PCDHGB1: variants seen among roughly 807,000 people sequenced by gnomAD.
PCDHGB1 encodes protocadherin gamma subfamily B, 1, also known as protocadherin gamma-B1.
PCDHGB1 carries 34 observed loss-of-function variants against 56.6 expected under a neutral mutation model. The observed-to-expected ratio is 0.60, with a 90% CI of 0.46 to 0.80. PCDHGB1 has a LOEUF of 0.80. Ranked by LOEUF, PCDHGB1 falls within the 30% of genes least tolerant of loss-of-function variation. The pLI is 0.00. For missense variants in PCDHGB1, 1,278 were observed against 1,204.6 expected, an observed-to-expected ratio of 1.06 and a Z score of -0.90; for synonymous variants, 561 against 505.9, an observed-to-expected ratio of 1.11 and a Z score of -1.46.
rs1040753474 is a variant in PCDHGB1 at position 141,511,446 on chromosome 5, G to T, written c.*273G>T. 3.1e-6 allele frequency: 2 copies of T among 654,526 alleles called. No individual in the cohort carries two copies. The highest frequency in any genetic ancestry group is 3.7e-5 in the African/African-American group (2 of 54,758). 40.5% of individuals were successfully genotyped at this position (654,526 alleles called of 1,614,324 possible). A position where few individuals can be genotyped will look rare whatever the true frequency, so the allele number is the denominator to read the frequency against. ...GTAGTGGGGTTACTGTAGACACCAA[G>T]AACCATTTGCCACACCCCGTTTAGT... On this transcript the variant is annotated 3_prime_UTR_variant, in exon 4 of 4. Transcript: ENST00000523390.
chr5:141,375,834 C>G lies in PCDHGB1; in HGVS notation c.2409+23165C>G, dbSNP rs1167436208. On this transcript the variant is annotated intron_variant, in intron 1 of 3. Transcript: ENST00000523390. ...GAGCTGGCGCCCCGCTCCGCAGAGC[C>G]CGGCTACCTGGTGACCAAGGTGGTG... is the stretch of plus-strand genomic sequence containing the variant. The G allele has an allele frequency of 2.1e-5, 34 of 1,614,138 alleles. No individual in the cohort carries two copies. The highest frequency in any genetic ancestry group is 2.7e-5 in the African/African-American group (2 of 75,080).
chr5:141,427,810 G>T, intron 1 of PCDHGB1: 1 of 1,523,990 alleles, frequency 6.6e-7, no homozygotes, highest in Non-Finnish European at 9.0e-7. Flanking sequence ...AGCGCACAGA[G>T]CGGGGTGGTG....
At chr5:141,450,995 T>G (rs983544118) in intron 1 of PCDHGB1, among the ~76,000 whole-genome samples, 3 of 151,510 alleles carry the variant, frequency 2.0e-5, no homozygotes, top group Non-Finnish European at 4.4e-5. Context: ...CGGCTAATTT[T>G]TTTGTATTTT....
chr5:141,405,215 C>T, intron 1 of PCDHGB1: 1 of 1,614,078 alleles, frequency 6.2e-7, no homozygotes, highest in Non-Finnish European at 8.5e-7. Flanking sequence ...GACCTATTCT[C>T]AGGAGTTCTC....
At chr5:141,488,439 C>G (rs2099675441) in intron 1 of PCDHGB1, among the ~76,000 whole-genome samples, 1 of 152,206 alleles carries the variant, frequency 6.6e-6, no homozygotes, top group African/African-American at 2.4e-5. Context: ...TCTGACCACC[C>G]TCCTGGGTGA....
intron 1 of PCDHGB1, chr5:141,371,923 G>A: frequency 2.5e-6 from 4 of 1,613,350 alleles, no homozygotes; most frequent in African/African-American, 1.3e-5. Flanking sequence ...GTGAGCGCGC[G>A]GAGCGGGGTG....
At chr5:141,439,151 C>T (rs563575567) in intron 1 of PCDHGB1, among the ~76,000 whole-genome samples, 1 of 150,892 alleles carries the variant, frequency 6.6e-6, no homozygotes, top group Admixed American at 6.6e-5. Context: ...TGAGATCACG[C>T]CACTGCACTC....
chr5:141,351,028 C>A lies in PCDHGB1; in HGVS notation c.768C>A (p.Thr256=), dbSNP rs1280700685. The A allele has an allele frequency of 1.9e-6, 3 of 1,614,092 alleles. No homozygotes were observed. Among genetic ancestry groups the A allele is most frequent in the Non-Finnish European group, 2.5e-6 (3 of 1,179,902 alleles). The change falls in exon 1 of 4, where the codon ACC becomes ACA. Residue 256 remains threonine, a synonymous_variant. Transcript: ENST00000523390. ...TCCAAGAAAACGTACCGTGGGGAAC[C>A]TCCGTGCTGCGGGTGATGGCCACAG... The part of the protein sequence containing the change: ...VSLQENVPWG[T]SVLRVMATDQ...
At chr5:141,363,501 C>T (rs187528196) in intron 1 of PCDHGB1, among the ~76,000 whole-genome samples, 5 of 152,306 alleles carry the variant, frequency 3.3e-5, no homozygotes, top group African/African-American at 1.2e-4. Context: ...AATAAAACCC[C>T]ATCCTCCACA....
At chr5:141,410,748 C>G in intron 1 of PCDHGB1, 1 of 1,245,396 alleles carries the variant, frequency 8.0e-7, no homozygotes, top group Non-Finnish European at 1.1e-6. Flanking sequence ...AATATTTTCT[C>G]AATGTTTTTT....
At position 141,415,600 on chromosome 5, in the gene PCDHGB1, C is replaced by G. The variant is rs778987183; in HGVS notation, c.2409+62931C>G. ...TTCGAAGTTTCCTATAGAGGATACC[C>G]CATTGGTTCCAGTGAGTTTTATTTT... On this transcript the variant is annotated intron_variant, in intron 1 of 3. Coordinates refer to ENST00000523390, the MANE Select transcript of PCDHGB1 (RefSeq NM_018922.3). 24 of 1,613,588 alleles carry G rather than the reference C, an allele frequency of 1.5e-5. No individual in the cohort carries two copies. In the Middle Eastern group the frequency reaches 1.2e-3, roughly 77 times the overall value.
At chr5:141,436,676 G>T (rs1019010328) in intron 1 of PCDHGB1, among the ~76,000 whole-genome samples, 1 of 152,238 alleles carries the variant, frequency 6.6e-6, no homozygotes, top group African/African-American at 2.4e-5. Flanking sequence ...ACCAAAAAAA[G>T]GATTTATATT....
Position 141,490,351 on chromosome 5 carries a change from T to C in PCDHGB1, c.2410-4456T>C. Reference sequence around the variant, plus strand: ...CACACCAGTGGGCACAGTAGTGGGGTTGTTTAATGTGCGAGACCGGGACTC... The same window carrying C: ...CACACCAGTGGGCACAGTAGTGGGGCTGTTTAATGTGCGAGACCGGGACTC... On this transcript the variant is annotated intron_variant, in intron 1 of 3. Transcript: ENST00000523390. The surrounding 1 kb of genome is among the most constrained non-coding windows in gnomAD (Gnocchi z 5.4). 6.2e-7 allele frequency: 1 copy of C among 1,614,028 alleles called. No individual in the cohort carries two copies. The highest frequency in any genetic ancestry group is 1.3e-5 in the African/African-American group (1 of 74,976).
In PCDHGB1 at chr5:141,432,446, C is replaced by T. The variant is rs765059815; in HGVS notation, c.2410-62361C>T. The T allele has an allele frequency of 1.2e-6, 2 of 1,614,256 alleles. No individual in the cohort carries two copies. Among genetic ancestry groups the T allele is most frequent in the Non-Finnish European group, 8.5e-7 (1 of 1,180,052 alleles). On this transcript the variant is annotated intron_variant, in intron 1 of 3. Transcript: ENST00000523390. The surrounding 1 kb of genome is among the most constrained non-coding windows in gnomAD (Gnocchi z 6.0). ...CCAGAACGACAATGCGCCCGAGATC[C>T]TGTACCCCGCCCTCCCCACGGACGG...
rs761386567 is a variant in PCDHGB1 at position 141,383,468 on chromosome 5, A to G, written c.2409+30799A>G. ...GTGCAAAGTGGAGACGATGAAACTA[A>G]GTACCCGGAACTGGTGCTGGAGCGG... On this transcript the variant is annotated intron_variant, in intron 1 of 3. Transcript: ENST00000523390. The G allele has an allele frequency of 1.1e-5, 17 of 1,613,656 alleles. 1 individual carries two copies. In the South Asian group the frequency reaches 1.9e-4, roughly 18 times the overall value.
chr5:141,422,243 T>C, intron 1 of PCDHGB1: 12 of 1,566,082 alleles, frequency 7.7e-6, no homozygotes, highest in Non-Finnish European at 1.0e-5. Flanking sequence ...ATCACTGTTG[T>C]GGATGTGAAT....
At chr5:141,355,379 C>A (rs771278815) in intron 1 of PCDHGB1, 5 of 1,613,900 alleles carry the variant, frequency 3.1e-6, no homozygotes, top group Non-Finnish European at 3.4e-6. Flanking sequence ...CGGGAGCTGG[C>A]GGAGCGCGGA....
Position 141,505,432 on chromosome 5 carries a change from C to T in PCDHGB1, c.2508C>T (p.Asn836=), listed in dbSNP as rs776731214. Residue 836 remains asparagine, a synonymous_variant, in exon 3 of 4, where the codon AAC becomes AAT. Transcript: ENST00000523390. ...ATGACACCGGCACCTGGCCCAACAA[C>T]CAGTTTGACACAGAGATGCTGCAAG... ...NGDDTGTWPN[N]QFDTEMLQAM... 6.2e-7 allele frequency: 1 copy of T among 1,614,252 alleles called. No homozygotes were observed. Among genetic ancestry groups the T allele is most frequent in the Non-Finnish European group, 8.5e-7 (1 of 1,180,048 alleles).
chr5:141,424,519 A>T (rs1216899186), intron 1 of PCDHGB1: 1 of 152,222 alleles, frequency 6.6e-6, no homozygotes, highest in African/African-American at 2.4e-5. Context: ...TTAATGTAGT[A>T]AATCCATATA....
Sources: allele counts gnomAD v4.1 joint callset (sites outside exome capture counted in the v4.1 genomes callset), GRCh38; gene constraint gnomAD v4.1.1; non-coding constraint Gnocchi (gnomAD v3.1); transcripts MANE v1.5; gene names NCBI Gene and HGNC (gene_info 2026-07-23, HGNC 2026-07-21).